Variants in CACNA1B observed in about 807,000 individuals in gnomAD.
The protein encoded by CACNA1B is calcium voltage-gated channel subunit alpha1 B.
Under a neutral mutation model 247.2 loss-of-function variants are expected in CACNA1B, and 70 were observed. That is an observed-to-expected ratio of 0.28 (90% confidence interval 0.23 to 0.35). The LOEUF (loss-of-function observed/expected upper bound fraction) is 0.35. CACNA1B is among the 10% of genes least tolerant of loss of function. The pLI, the probability that CACNA1B is intolerant of heterozygous loss-of-function variation, is 1.00. For missense variants in CACNA1B, 2,367 were observed against 3,197.4 expected (o/e 0.74, Z 6.26); for synonymous variants, 1,231 against 1,294.4 (o/e 0.95, Z 1.05).
Position 137,971,291 on chromosome 9 carries a change from G to C in CACNA1B, c.1334-92G>C. 1 of 848,370 alleles carries C rather than the reference G, an allele frequency of 1.2e-6. No homozygotes were observed. Among genetic ancestry groups the C allele is most frequent in the Non-Finnish European group, 1.9e-6 (1 of 528,200 alleles). The allele number at this position is 848,370 out of a possible 1,614,324, so 52.6% of individuals were successfully genotyped here. On this transcript the variant is annotated intron_variant, in intron 10 of 46. Transcript: ENST00000371372. The surrounding 1 kb of genome is among the most constrained non-coding windows in gnomAD (Gnocchi z 4.4). ...TGTGACCGGCTGGGGCTGGGGGCAG[G>C]TGTCCTCCAGAGTGCGTCTGTGGGG...
chr9:137,986,358 A>C lies in CACNA1B; in HGVS notation c.1770-55A>C. 2 of 1,602,004 alleles carry C rather than the reference A, an allele frequency of 1.2e-6. No homozygotes were observed. On this transcript the variant is annotated intron_variant, in intron 13 of 46. Transcript: ENST00000371372. The surrounding 1 kb of genome is among the most constrained non-coding windows in gnomAD (Gnocchi z 6.0). ...GCCTTAAGTGTGGCTGCAGAGAGCC[A>C]TGAATGTGAAGTCAGCGTCTGGAGC...
At chr9:137,965,943 C>T (rs1958070793) in intron 10 of CACNA1B, among the ~76,000 whole-genome samples, 1 of 152,188 alleles carries the variant, frequency 6.6e-6, no homozygotes, top group Non-Finnish European at 1.5e-5. Flanking sequence ...TATATTTAGT[C>T]ACTGTATAGT....
Position 138,054,759 on chromosome 9 carries a change from G to A in CACNA1B, c.3968+753G>A, listed in dbSNP as rs1167099912. 6.6e-6 allele frequency among the ~76,000 whole-genome samples: 1 copy of A among 152,216 alleles called. No homozygotes were observed. Among genetic ancestry groups the A allele is most frequent in the Non-Finnish European group, 1.5e-5 (1 of 68,032 alleles). ...TTAGTAGATGCTGCCAGGCCCTTGT[G>A]TAAAATTACACTCTCTCCAGCGTAG... On this transcript the variant is annotated intron_variant, in intron 26 of 46. Coordinates refer to ENST00000371372, the MANE Select transcript of CACNA1B (RefSeq NM_000718.4). This position sits in a 1 kb window ranked among gnomAD's most constrained non-coding sequence, Gnocchi z 4.6.
In CACNA1B at chr9:137,973,439, A is replaced by G. The variant is rs558711897; in HGVS notation, c.1543+1847A>G. Among the ~76,000 whole-genome samples the G allele has an allele frequency of 6.6e-6, 1 of 152,238 alleles. No homozygotes were observed. Among genetic ancestry groups the G allele is most frequent in the East Asian group, 1.9e-4 (1 of 5,178 alleles). On this transcript the variant is annotated intron_variant, in intron 11 of 46. Transcript: ENST00000371372. This position sits in a 1 kb window ranked among gnomAD's most constrained non-coding sequence, Gnocchi z 4.1. The stretch of plus-strand genomic sequence containing the variant: ...TGTGCACCTCGGCTGTCCATTCTCC[A>G]AGGACCTGCCCTCAATGCATTGCCA...
rs939483958 is a variant in CACNA1B at position 138,123,991 on chromosome 9, G to A, written c.*1992G>A. 2.0e-5 allele frequency: 3 copies of A among 152,202 alleles called. No individual in the cohort carries two copies. The highest frequency in any genetic ancestry group is 4.4e-5 in the Non-Finnish European group (3 of 68,046). 9.4% of individuals were successfully genotyped at this position (152,202 alleles called of 1,614,324 possible). A position where few individuals can be genotyped will look rare whatever the true frequency, so the allele number is the denominator to read the frequency against. ...AGAACCACAGCCATTTCCCCAGGCA[G>A]TGTTGGGTCGAGAATCCACTTTTCT... On this transcript the variant is annotated 3_prime_UTR_variant, in exon 47 of 47. Transcript: ENST00000371372.
chr9:138,048,385 A>T (rs1370147260), intron 23 of CACNA1B, among the ~76,000 whole-genome samples: 1 of 152,120 alleles, frequency 6.6e-6, no homozygotes, highest in Non-Finnish European at 1.5e-5. Flanking sequence ...GTGATGGAGG[A>T]GCAGATGGAG....
chr9:138,080,929 A>G (rs1458045318), intron 36 of CACNA1B, among the ~76,000 whole-genome samples: 1 of 152,240 alleles, frequency 6.6e-6, no homozygotes, highest in East Asian at 1.9e-4. Context: ...AGAAGAACCT[A>G]CAAAACTGTG....
chr9:138,111,998 G>C (rs976182873), intron 39 of CACNA1B, among the ~76,000 whole-genome samples: 1 of 151,714 alleles, frequency 6.6e-6, no homozygotes, highest in Admixed American at 6.6e-5. Flanking sequence ...GTCAACTCCA[G>C]AAGGGAAGTT....
intron 31 of CACNA1B, among the ~76,000 whole-genome samples, chr9:138,064,535 C>A (rs1026287535): frequency 6.6e-6 from 1 of 152,230 alleles, no homozygotes; most frequent in African/African-American, 2.4e-5. Context: ...CAAGCAGCAT[C>A]CTTGTTGGCG....
chr9:137,938,460 A>G (rs1589019329), intron 6 of CACNA1B, among the ~76,000 whole-genome samples: 1 of 152,314 alleles, frequency 6.6e-6, no homozygotes, highest in African/African-American at 2.4e-5. Context: ...CTTAAAAGAT[A>G]CAGAATGGTG....
At chr9:137,976,458 G>A (rs979984389) in intron 12 of CACNA1B, among the ~76,000 whole-genome samples, 4 of 152,264 alleles carry the variant, frequency 2.6e-5, no homozygotes, top group African/African-American at 9.6e-5. Context: ...TGCCCTCTCT[G>A]TGAGGCTGGG....
intron 6 of CACNA1B, among the ~76,000 whole-genome samples, chr9:137,946,414 A>G (rs1957796469): frequency 6.6e-6 from 1 of 152,164 alleles, no homozygotes. Flanking sequence ...ACAAGCTGCC[A>G]CTGCCAATTG....
rs1427256140 is a variant in CACNA1B, at chr9:137,973,655, A to G, written c.1543+2063A>G. 6.6e-6 allele frequency among the ~76,000 whole-genome samples: 1 copy of G among 152,088 alleles called. No individual in the cohort carries two copies. Among genetic ancestry groups the G allele is most frequent in the African/African-American group, 2.4e-5 (1 of 41,456 alleles). On this transcript the variant is annotated intron_variant, in intron 11 of 46. Coordinates refer to ENST00000371372, the MANE Select transcript of CACNA1B (RefSeq NM_000718.4). The surrounding 1 kb of genome is among the most constrained non-coding windows in gnomAD (Gnocchi z 4.1). ...TCTCTGTTTCCCCCTCAGCTTGTGA[A>G]CTCCTGGGGAGAAGGGTGAACTCTG... is the stretch of plus-strand genomic sequence containing the variant.
chr9:137,885,180 C>T (rs1313384776), intron 3 of CACNA1B, among the ~76,000 whole-genome samples: 1 of 151,258 alleles, frequency 6.6e-6, no homozygotes, highest in Non-Finnish European at 1.5e-5. Context: ...CGTCTTCCCT[C>T]CAGGCAGCCT....
At position 137,919,635 on chromosome 9, in the gene CACNA1B, C is replaced by A. The variant is rs1374000272; in HGVS notation, c.966+2204C>A. ...CCCAGTGAGAGGGACTTTTGTGGCC[C>A]CTCGGATATACGCTCCTTCAAGCAA... On this transcript the variant is annotated intron_variant, in intron 6 of 46. Coordinates refer to ENST00000371372, the MANE Select transcript of CACNA1B (RefSeq NM_000718.4). The surrounding 1 kb of genome is among the most constrained non-coding windows in gnomAD (Gnocchi z 4.6). Among the ~76,000 whole-genome samples, 1 of 152,228 alleles carries A rather than the reference C, an allele frequency of 6.6e-6. No homozygotes were observed. Among genetic ancestry groups the A allele is most frequent in the South Asian group, 2.1e-4 (1 of 4,826 alleles).
In CACNA1B at chr9:138,121,136, G is replaced by A. The variant is rs1962079479; in HGVS notation, c.6489+255G>A. ...CTGCGTCCTATCCACTTTCGGACCT[G>A]GGCCCCCAAATACTTACCTCTCTCT... On this transcript the variant is annotated intron_variant, in intron 46 of 46. Coordinates refer to ENST00000371372, the MANE Select transcript of CACNA1B (RefSeq NM_000718.4). This position sits in a 1 kb window ranked among gnomAD's most constrained non-coding sequence, Gnocchi z 6.8. Among the ~76,000 whole-genome samples the A allele has an allele frequency of 6.6e-6, 1 of 152,070 alleles. No homozygotes were observed. The highest frequency in any genetic ancestry group is 2.4e-5 in the African/African-American group (1 of 41,404).
chr9:138,054,133 C>A lies in CACNA1B; in HGVS notation c.3968+127C>A. 1 of 880,436 alleles carries A rather than the reference C, an allele frequency of 1.1e-6. No individual in the cohort carries two copies. The highest frequency in any genetic ancestry group is 1.8e-6 in the Non-Finnish European group (1 of 553,242). 54.5% of individuals were successfully genotyped at this position (880,436 alleles called of 1,614,324 possible). ...GACTCCACTGCAGAGCATCACGGAC[C>A]CTGCCTGAGGGCCGAGGAGGGGCTT... On this transcript the variant is annotated intron_variant, in intron 26 of 46. Coordinates refer to ENST00000371372, the MANE Select transcript of CACNA1B (RefSeq NM_000718.4). The surrounding 1 kb of genome is among the most constrained non-coding windows in gnomAD (Gnocchi z 4.6).
At position 138,072,905 on chromosome 9, in the gene CACNA1B, G is replaced by A. The variant is rs1466644986; in HGVS notation, c.4675-583G>A. Among the ~76,000 whole-genome samples, 2 of 152,362 alleles carry A rather than the reference G, an allele frequency of 1.3e-5. No individual in the cohort carries two copies. ...CCGTGGTGTGAGCAGCAGAACACCT[G>A]TACCTTCCATAACTTGTCTGCACAC... is the stretch of plus-strand genomic sequence containing the variant. On this transcript the variant is annotated intron_variant, in intron 32 of 46. Coordinates refer to ENST00000371372, the MANE Select transcript of CACNA1B (RefSeq NM_000718.4). This position sits in a 1 kb window ranked among gnomAD's most constrained non-coding sequence, Gnocchi z 4.5.
rs199651795 is a variant in CACNA1B, at chr9:138,114,343, C to T, written c.5537-35C>T. 8.3e-5 allele frequency: 91 copies of T among 1,091,388 alleles called. 1 individual carries two copies. In the African/African-American group the frequency reaches 1.3e-3, roughly 15 times the overall value. The allele number at this position is 1,091,388 out of a possible 1,614,324, so 67.6% of individuals were successfully genotyped here. A position where few individuals can be genotyped will look rare whatever the true frequency, so the allele number is the denominator to read the frequency against. ...CTTGTTTCCGTGGATCCTCTGCCCC[C>T]TTCTCCGAATCTCAACTCCTGTGTT... On this transcript the variant is annotated intron_variant, in intron 40 of 46. Transcript: ENST00000371372.
Sources: allele counts gnomAD v4.1 joint callset (sites outside exome capture counted in the v4.1 genomes callset), GRCh38; gene constraint gnomAD v4.1.1; non-coding constraint Gnocchi (gnomAD v3.1); transcripts MANE v1.5; gene names NCBI Gene and HGNC (gene_info 2026-07-23, HGNC 2026-07-21).